The following ABHD3 variants were observed in gnomAD, a reference collection of about 807,000 sequenced individuals.
The protein encoded by ABHD3 is phospholipase ABHD3.
ABHD3 carries 46 observed loss-of-function variants against 48.8 expected under a neutral mutation model. The ratio of observed to expected loss-of-function variants is 0.94; its 90% CI spans 0.74 to 1.20. The LOEUF is 1.20. ABHD3 is among the 50% of genes most tolerant of loss of function. The pLI, the probability that ABHD3 is intolerant of heterozygous loss-of-function variation, is 0.00. For synonymous variants in ABHD3, 192 were observed against 183.7 expected (o/e 1.04, Z -0.36); for missense variants, 490 against 497.8 (o/e 0.98, Z 0.15).
At chr18:21,661,971 CTTTT>C (rs903064689) in intron 5 of ABHD3, 2 of 150,004 alleles carry the variant, frequency 1.3e-5, no homozygotes, top group African/African-American at 4.9e-5. Context: ...CGCGCCTGGC[CTTTT>C]TTTGTGTGTG....
intron 4 of ABHD3, among the ~76,000 whole-genome samples, chr18:21,672,204 T>C (rs1598528571): frequency 6.6e-6 from 1 of 152,144 alleles, no homozygotes; most frequent in Non-Finnish European, 1.5e-5. Context: ...AAAAAAACAA[T>C]TTTTGACCTA....
intron 3 of ABHD3, among the ~76,000 whole-genome samples, chr18:21,692,862 T>C (rs754250712): frequency 2.6e-5 from 4 of 152,232 alleles, no homozygotes; most frequent in Non-Finnish European, 4.4e-5. Flanking sequence ...CCCTATTTAA[T>C]AAGCAAAGTG....
chr18:21,675,262 G>GTTTTTTTT (rs61119109), intron 4 of ABHD3, among the ~76,000 whole-genome samples: 4 of 85,488 alleles, frequency 4.7e-5, no homozygotes, highest in Admixed American at 1.6e-4. Flanking sequence ...AATGAGGTGG[G>GTTTTTTTT]TTTTTTTTTT....
chr18:21,651,805 G>A, intron 8 of ABHD3, 42 bp from the exon 9 acceptor site: 3 of 1,456,798 alleles, frequency 2.1e-6, no homozygotes, highest in Non-Finnish European at 9.1e-7. Context: ...AGAAGAAGGA[G>A]AGAGAAAAAT....
chr18:21,689,513 C>G, intron 3 of ABHD3, among the ~76,000 whole-genome samples: 1 of 135,224 alleles, frequency 7.4e-6, no homozygotes, highest in South Asian at 2.3e-4. Flanking sequence ...CACACCATTG[C>G]ACTCCAGACT....
chr18:21,651,601 T>C lies in ABHD3; in HGVS notation c.1220A>G (p.Glu407Gly), dbSNP rs369471700. Residue 407 changes from glutamate (E) to glycine (G), a missense_variant, in exon 9 of 9, where the codon GAA (glutamate) becomes GGA (glycine). Glu to Gly is a moderately conservative substitution (Grantham distance 98). Coordinates refer to ENST00000289119, the MANE Select transcript of ABHD3 (RefSeq NM_138340.5). ...FVQAMVEHGH[E>G]LS The stretch of plus-strand genomic sequence containing the variant: ...CCAAAGAACTACATGTTAAGAGAGT[T>C]CATGTCCATGCTCAACCATGGCTTG... The C allele has an allele frequency of 3.1e-6, 5 of 1,614,144 alleles. No individual in the cohort carries two copies. The East Asian group carries it at 1.1e-4, about 36-fold the overall frequency.
intron 5 of ABHD3, among the ~76,000 whole-genome samples, chr18:21,659,661 T>A (rs376814868): frequency 4.3e-5 from 5 of 116,490 alleles, no homozygotes; most frequent in South Asian, 2.8e-4. Flanking sequence ...TCACCTAGAG[T>A]TTTTTTTTTT....
In ABHD3 at chr18:21,659,206, T is replaced by C. The variant is rs781164417; in HGVS notation, c.806A>G (p.Tyr269Cys). 8 of 1,613,724 alleles carry C rather than the reference T, an allele frequency of 5.0e-6. No homozygotes were observed. The highest frequency in any genetic ancestry group is 6.8e-6 in the Non-Finnish European group (8 of 1,179,890). ...EKPLNWLLFN[Y>C]YLTTCLQSSV... ...AGACTGAAGGCAGGTTGTCAAATAG[T>C]AATTAAAAAGTAGCCAGTTCAGTGG... Residue 269 changes from tyrosine to cysteine, a missense_variant, in exon 6 of 9, where the codon TAC becomes TGC. Tyr to Cys is a radical substitution (Grantham distance 194). Transcript: ENST00000289119.
chr18:21,687,772 G>T (rs1367737982), intron 3 of ABHD3, among the ~76,000 whole-genome samples: 2 of 152,138 alleles, frequency 1.3e-5, no homozygotes, highest in Admixed American at 1.3e-4. Flanking sequence ...TTTAATGAAG[G>T]TTAAATAAAA....
At chr18:21,666,684 C>T (rs1190652271) in intron 4 of ABHD3, among the ~76,000 whole-genome samples, 1 of 152,192 alleles carries the variant, frequency 6.6e-6, no homozygotes, top group Non-Finnish European at 1.5e-5. Context: ...CTGTACTACA[C>T]TGCAGTAGAC....
chr18:21,703,816 G>T (rs2040570871), intron 1 of ABHD3, 69 bp from the exon 2 acceptor site: 3 of 1,547,046 alleles, frequency 1.9e-6, no homozygotes, highest in Non-Finnish European at 2.6e-6. Context: ...CCAGAAACCG[G>T]CAAAGACTTG....
chr18:21,690,463 G>A (rs887304103), intron 3 of ABHD3, among the ~76,000 whole-genome samples: 25 of 151,620 alleles, frequency 1.6e-4, no homozygotes, highest in African/African-American at 4.1e-4. Flanking sequence ...TTAGCCAGGC[G>A]TGGTGGCAGG....
chr18:21,671,041 T>C (rs543909722), intron 4 of ABHD3, among the ~76,000 whole-genome samples: 2 of 152,176 alleles, frequency 1.3e-5, no homozygotes, highest in Admixed American at 1.3e-4. Flanking sequence ...TCACAACAGG[T>C]GAGACTTGGC....
chr18:21,688,505 A>C (rs762377770), intron 3 of ABHD3, among the ~76,000 whole-genome samples: 5 of 151,160 alleles, frequency 3.3e-5, no homozygotes, highest in Admixed American at 3.3e-4. Flanking sequence ...ATATTTACTG[A>C]ACTAAAGATT....
chr18:21,683,918 A>T lies in ABHD3; in HGVS notation c.555+2T>A. The T allele has an allele frequency of 6.3e-7, 1 of 1,595,134 alleles. No individual in the cohort carries two copies. Among genetic ancestry groups the T allele is most frequent in the Non-Finnish European group, 8.5e-7 (1 of 1,170,044 alleles). On this transcript the variant is annotated splice_donor_variant, in intron 4 of 8. Transcript: ENST00000289119. LOFTEE classifies it high-confidence loss of function. ...AGACTGTTGTCATTTAAATTTACTT[A>T]CCAAGAGATTCTCCCCCGCCACTCC...
chr18:21,681,900 C>A (rs1007520174), intron 4 of ABHD3, among the ~76,000 whole-genome samples: 11 of 152,012 alleles, frequency 7.2e-5, no homozygotes, highest in Non-Finnish European at 2.9e-5. Context: ...ACTTTGGGAG[C>A]ATCGCTTGAG....
chr18:21,697,265 G>C (rs748588816), intron 3 of ABHD3, among the ~76,000 whole-genome samples: 1 of 151,826 alleles, frequency 6.6e-6, no homozygotes, highest in Non-Finnish European at 1.5e-5. Flanking sequence ...AGTAGAGAGG[G>C]GGTGTCACCA....
At chr18:21,671,281 C>T (rs1415461841) in intron 4 of ABHD3, among the ~76,000 whole-genome samples, 2 of 152,150 alleles carry the variant, frequency 1.3e-5, no homozygotes, top group Non-Finnish European at 2.9e-5. Flanking sequence ...CCGCTTGCTG[C>T]TTGATGGGTT....
At chr18:21,656,445 C>T (rs759456605) in intron 8 of ABHD3, among the ~76,000 whole-genome samples, 1 of 152,148 alleles carries the variant, frequency 6.6e-6, no homozygotes, top group Non-Finnish European at 1.5e-5. Flanking sequence ...TATTCAAAGC[C>T]ACTGTGTTTA....
Sources: gnomAD v4.1 joint callset for allele counts (sites outside exome capture counted in the v4.1 genomes callset) on GRCh38, gnomAD v4.1.1 for gene constraint, MANE v1.5 for transcripts, NCBI Gene and HGNC (gene_info 2026-07-23, HGNC 2026-07-21) for gene names.